The following CATSPERE variants were observed in gnomAD, a reference collection of about 807,000 sequenced individuals.
The protein encoded by CATSPERE is catsper channel auxiliary subunit epsilon.
Under a neutral mutation model 114.1 loss-of-function variants are expected in CATSPERE, and 93 were observed. The ratio of observed to expected loss-of-function variants is 0.81; its 90% CI spans 0.69 to 0.97. The LOEUF is 0.97. Ranked by LOEUF, CATSPERE falls within the 50% of genes least tolerant of loss-of-function variation. CATSPERE has a pLI of 0.00. For synonymous variants in CATSPERE, 341 were observed against 384.1 expected, an observed-to-expected ratio of 0.89 and a Z score of 1.31; for missense variants, 1,058 against 1,131.6, an observed-to-expected ratio of 0.93 and a Z score of 0.93.
At chr1:244,499,248 T>C (rs989281025) in intron 7 of CATSPERE, among the ~76,000 whole-genome samples, 169 bp downstream of exon 7, 3 of 152,242 alleles carry the variant, frequency 2.0e-5, no homozygotes, top group Non-Finnish European at 2.9e-5. Flanking sequence ...TTTGAACTTA[T>C]GCTTAATCTC....
At position 244,639,935 on chromosome 1, in the gene CATSPERE, G is replaced by A; in HGVS notation, c.2710G>A (p.Val904Ile). Reference sequence around the variant, plus strand: ...TTTTTTTTCTGATTTCAGTCCAAGTGTCTACCTGGTAGCTTCTTTCCTCTT... The same window carrying A: ...TTTTTTTTCTGATTTCAGTCCAAGTATCTACCTGGTAGCTTCTTTCCTCTT... Reference protein sequence around the residue: ...ETFGLIPSPSVYLVASFLFVL... With the variant: ...ETFGLIPSPSIYLVASFLFVL... Residue 904 changes from valine to isoleucine, a missense_variant, in exon 22 of 22, where the codon GTC (valine) becomes ATC (isoleucine). Transcript: ENST00000366534. 1 of 1,538,400 alleles carries A rather than the reference G, an allele frequency of 6.5e-7. No individual in the cohort carries two copies. The highest frequency in any genetic ancestry group is 8.7e-7 in the Non-Finnish European group (1 of 1,143,204).
chr1:244,631,318 C>A (rs1184533040), intron 20 of CATSPERE, among the ~76,000 whole-genome samples: 1 of 152,160 alleles, frequency 6.6e-6, no homozygotes, highest in Non-Finnish European at 1.5e-5. Context: ...AAATCATAGA[C>A]CTAAATGTAA....
chr1:244,476,640 T>C (rs1415373420), intron 2 of CATSPERE, among the ~76,000 whole-genome samples: 12 of 152,208 alleles, frequency 7.9e-5, no homozygotes, highest in Admixed American at 7.9e-4. Flanking sequence ...ATATTATGTA[T>C]GTGTATATAA....
At chr1:244,550,156 G>A (rs1660386423) in intron 8 of CATSPERE, among the ~76,000 whole-genome samples, 1 of 152,068 alleles carries the variant, frequency 6.6e-6, no homozygotes, top group Non-Finnish European at 1.5e-5. Flanking sequence ...ACTTGGACTG[G>A]AACTACACCA....
chr1:244,562,153 C>CAAAAAA lies in CATSPERE; in HGVS notation c.1507+1024_1507+1029dup, dbSNP rs11313998. ...TGGACAACAGAGCGAGATCCTGTCT[C>CAAAAAA]AAAAAAAAAAAAAAAAAAAAAGCTC... On this transcript the variant is annotated intron_variant, in intron 10 of 21. Coordinates refer to ENST00000366534, the MANE Select transcript of CATSPERE (RefSeq NM_001130957.2). Among the ~76,000 whole-genome samples, 331 of 70,140 alleles carry CAAAAAA rather than the reference C, an allele frequency of 4.7e-3. 9 individuals carry two copies. The highest frequency in any genetic ancestry group is 0.012 in the African/African-American group (227 of 19,662). The allele number at this position is 70,140 out of a possible 152,430, so 46.0% of individuals were successfully genotyped here.
intron 19 of CATSPERE, among the ~76,000 whole-genome samples, chr1:244,611,028 G>A (rs1370339297): frequency 6.6e-6 from 1 of 152,114 alleles, no homozygotes; most frequent in African/African-American, 2.4e-5. Flanking sequence ...CCAAAGTGCT[G>A]GGATTACAGG....
chr1:244,559,061 G>C (rs537140979), intron 9 of CATSPERE, among the ~76,000 whole-genome samples: 1 of 152,188 alleles, frequency 6.6e-6, no homozygotes, highest in Non-Finnish European at 1.5e-5. Context: ...CGATTATGCC[G>C]AAGCATTAAG....
intron 9 of CATSPERE, among the ~76,000 whole-genome samples, chr1:244,557,532 CATATATATATATATATAT>C (rs61291602): frequency 0.045 from 1,829 of 40,598 alleles, 124 homozygotes; most frequent in Admixed American, 0.16. Context: ...TTGAAATATT[CATATATATATATATATAT>C]ATATATATAT....
intron 8 of CATSPERE, among the ~76,000 whole-genome samples, chr1:244,548,052 G>A (rs1660032606): frequency 6.6e-6 from 1 of 152,244 alleles, no homozygotes; most frequent in African/African-American, 2.4e-5. Flanking sequence ...GAAAATTGGT[G>A]ACGAATAAAT....
Position 244,490,772 on chromosome 1 carries a change from AAGAT to A in CATSPERE, c.351+304_351+307del, listed in dbSNP as rs147125692. 7.0e-4 allele frequency among the ~76,000 whole-genome samples: 106 copies of A among 152,282 alleles called. 1 individual carries two copies. In the East Asian group the frequency reaches 0.019, roughly 28 times the overall value. On this transcript the variant is annotated intron_variant, in intron 6 of 21. Transcript: ENST00000366534. ...CTGTCTTTTATTAATACAAATATTA[AAGAT>A]AGTTTTTAAAATATTGAGCATCCAT...
chr1:244,616,313 G>C (rs774233756), intron 19 of CATSPERE, among the ~76,000 whole-genome samples: 2 of 152,168 alleles, frequency 1.3e-5, no homozygotes, highest in African/African-American at 4.8e-5. Flanking sequence ...GACTGTGCAA[G>C]AGCTGATTGA....
intron 19 of CATSPERE, among the ~76,000 whole-genome samples, chr1:244,611,344 C>A (rs1558591306): frequency 6.6e-6 from 1 of 152,058 alleles, no homozygotes; most frequent in African/African-American, 2.4e-5. Flanking sequence ...AATCCTAACA[C>A]TTTCTGAGGC....
upstream of CATSPERE, among the ~76,000 whole-genome samples, chr1:244,460,370 C>G (rs1387033662): frequency 2.0e-5 from 3 of 152,174 alleles, no homozygotes; most frequent in African/African-American, 7.2e-5. Flanking sequence ...GCTGGCACCA[C>G]CCAGATCAGT....
At chr1:244,603,814 T>TG (rs1669613299) in intron 17 of CATSPERE, among the ~76,000 whole-genome samples, 1 of 152,114 alleles carries the variant, frequency 6.6e-6, no homozygotes, top group African/African-American at 2.4e-5. Context: ...AAGATGAGGC[T>TG]GGACAACATA....
chr1:244,553,621 A>ACACACACG (rs1661084934), intron 9 of CATSPERE, among the ~76,000 whole-genome samples: 2 of 141,304 alleles, frequency 1.4e-5, no homozygotes, highest in Non-Finnish European at 3.0e-5. Flanking sequence ...ACACACACAC[A>ACACACACG]CACACACACA....
intron 6 of CATSPERE, among the ~76,000 whole-genome samples, chr1:244,495,078 T>C (rs1672881744): frequency 1.3e-5 from 2 of 151,994 alleles, no homozygotes; most frequent in South Asian, 4.2e-4. Flanking sequence ...CTATAGAAAA[T>C]ATATGTGTGT....
intron 20 of CATSPERE, among the ~76,000 whole-genome samples, chr1:244,627,674 G>T (rs1467885113): frequency 2.6e-5 from 4 of 152,158 alleles, no homozygotes; most frequent in South Asian, 2.1e-4. Flanking sequence ...TTAATCCCGT[G>T]TTGAGCAAGC....
rs769743736 is a variant in CATSPERE, at chr1:244,498,987, A to T, written c.352-15A>T. 3 of 1,597,896 alleles carry T rather than the reference A, an allele frequency of 1.9e-6. No individual in the cohort carries two copies. In the African/African-American group the frequency reaches 4.0e-5, roughly 21 times the overall value. On this transcript the variant is annotated splice_polypyrimidine_tract_variant and intron_variant, in intron 6 of 21. Coordinates refer to ENST00000366534, the MANE Select transcript of CATSPERE (RefSeq NM_001130957.2). ...TACAAAATGTAAAGAAATGCAAACA[A>T]ATTTTATTTTCTAGCTTATCACTGT... is the stretch of plus-strand genomic sequence containing the variant.
At chr1:244,540,373 G>C (rs1475605675) in intron 8 of CATSPERE, among the ~76,000 whole-genome samples, 14 of 49,520 alleles carry the variant, frequency 2.8e-4, no homozygotes, top group Non-Finnish European at 5.0e-4. Flanking sequence ...AACAGACAGA[G>C]AGCCAAATCA....
Sources: allele counts gnomAD v4.1 joint callset (sites outside exome capture counted in the v4.1 genomes callset), GRCh38; gene constraint gnomAD v4.1.1; transcripts MANE v1.5; gene names NCBI Gene and HGNC (gene_info 2026-07-23, HGNC 2026-07-21).